The following NRG3 variants were observed in gnomAD, a reference collection of about 807,000 sequenced individuals.
NRG3 encodes the protein neuregulin 3.
Under a neutral mutation model 66.9 loss-of-function variants are expected in NRG3, and 31 were observed. That is an observed-to-expected ratio of 0.46 (90% CI 0.35 to 0.63). The LOEUF is 0.63. Among genes scored for constraint, NRG3 ranks in the 20% least tolerant of loss-of-function variants. The pLI is 0.00. For missense variants in NRG3, 910 were observed against 878.9 expected, an observed-to-expected ratio of 1.04 and a Z score of -0.45; for synonymous variants, 393 against 359.4, an observed-to-expected ratio of 1.09 and a Z score of -1.06.
intron 4 of NRG3, among the ~76,000 whole-genome samples, chr10:82,936,630 A>G (rs1848094863): frequency 1.3e-5 from 2 of 152,208 alleles, no homozygotes; most frequent in African/African-American, 4.8e-5. Context: ...CAAAAATGAT[A>G]ACCATGTGAG....
At chr10:82,941,839 G>A (rs1224526068) in intron 4 of NRG3, among the ~76,000 whole-genome samples, 1 of 152,152 alleles carries the variant, frequency 6.6e-6, no homozygotes, top group South Asian at 2.1e-4. Context: ...GGATAGAAAG[G>A]AGCCTCTGAG....
intron 2 of NRG3, among the ~76,000 whole-genome samples, chr10:82,505,411 G>A (rs1229756377): frequency 6.6e-6 from 1 of 152,230 alleles, no homozygotes; most frequent in Non-Finnish European, 1.5e-5. Context: ...AAGTATTTCA[G>A]TGTTTTAACA....
chr10:82,421,858 GA>G (rs1360049325), intron 2 of NRG3, among the ~76,000 whole-genome samples: 1 of 151,782 alleles, frequency 6.6e-6, no homozygotes, highest in South Asian at 2.1e-4. Context: ...AAACTTTCTA[GA>G]AAAAAACCAT....
chr10:82,589,536 GA>G, intron 2 of NRG3, among the ~76,000 whole-genome samples: 1 of 152,196 alleles, frequency 6.6e-6, no homozygotes, highest in Non-Finnish European at 1.5e-5. Flanking sequence ...AACTGGTAAT[GA>G]GGGGCAATTC....
intron 2 of NRG3, among the ~76,000 whole-genome samples, chr10:82,552,624 A>C (rs2044388537): frequency 1.3e-5 from 2 of 152,180 alleles, no homozygotes; most frequent in Admixed American, 6.5e-5. Flanking sequence ...GCTAGATGAG[A>C]TAAAACTGCA....
Position 82,985,366 on chromosome 10 carries a change from G to A in NRG3, c.1852G>A (p.Asp618Asn), listed in dbSNP as rs765593797. Residue 618 changes from aspartate to asparagine, a missense_variant, in exon 9 of 9, where the codon GAT becomes AAT. Asp to Asn is a conservative substitution (Grantham distance 23, BLOSUM62 1). Transcript: ENST00000372141. Reference sequence around the variant, plus strand: ...TGTCAATGTGAGTATTCCAGTCAGCGATTGTCTTATAGCAGAACAACAAGA... The same window carrying A: ...TGTCAATGTGAGTATTCCAGTCAGCAATTGTCTTATAGCAGAACAACAAGA... ...DVVNVSIPVS[D>N]CLIAEQQEVK... 1.3e-5 allele frequency: 21 copies of A among 1,614,116 alleles called. No homozygotes were observed. The East Asian group carries it at 2.0e-4, about 15-fold the overall frequency.
intron 1 of NRG3, among the ~76,000 whole-genome samples, chr10:81,949,649 G>T (rs538988109): frequency 6.6e-6 from 1 of 152,156 alleles, no homozygotes; most frequent in African/African-American, 2.4e-5. Context: ...ATTTAGGGAA[G>T]GGGCAATATG....
intron 1 of NRG3, among the ~76,000 whole-genome samples, chr10:81,962,694 G>C (rs939969337): frequency 6.6e-6 from 1 of 152,196 alleles, no homozygotes; most frequent in South Asian, 2.1e-4. Flanking sequence ...GGCTAGCGGA[G>C]TAGTCTCTGA....
intron 1 of NRG3, among the ~76,000 whole-genome samples, chr10:81,892,776 C>A (rs1462659842): frequency 6.6e-6 from 1 of 151,860 alleles, no homozygotes; most frequent in East Asian, 1.9e-4. Flanking sequence ...TGACTGTAGT[C>A]AAAAATAAGT....
chr10:81,964,795 A>G (rs1056511030), intron 1 of NRG3, among the ~76,000 whole-genome samples: 3 of 152,096 alleles, frequency 2.0e-5, no homozygotes, highest in Non-Finnish European at 4.4e-5. Context: ...AAACAGATAT[A>G]TCCAGTTGTT....
At chr10:82,895,320 C>T (rs1175077708) in intron 4 of NRG3, among the ~76,000 whole-genome samples, 1 of 152,096 alleles carries the variant, frequency 6.6e-6, no homozygotes, top group Non-Finnish European at 1.5e-5. Flanking sequence ...ATCCAATACA[C>T]CTTTGTCAAA....
At chr10:81,971,357 C>T (rs983110016) in intron 1 of NRG3, among the ~76,000 whole-genome samples, 3 of 151,914 alleles carry the variant, frequency 2.0e-5, no homozygotes, top group East Asian at 1.9e-4. Context: ...AAGGTGAGGA[C>T]GAATTTCTAA....
chr10:82,630,355 CTT>C (rs5786556), intron 2 of NRG3, among the ~76,000 whole-genome samples: 23,041 of 133,660 alleles, frequency 0.17, 2,062 homozygotes, highest in Middle Eastern at 0.3. Context: ...ATATGGTTTT[CTT>C]TTTTTTTTTT....
intron 3 of NRG3, among the ~76,000 whole-genome samples, chr10:82,779,462 C>G (rs901776081): frequency 1.3e-5 from 2 of 152,060 alleles, no homozygotes; most frequent in African/African-American, 4.8e-5. Context: ...TTGCTCTGAC[C>G]AAAATATAGT....
chr10:82,772,704 C>CTTTTTTTTTTT (rs745609399), intron 3 of NRG3, among the ~76,000 whole-genome samples: 1 of 111,730 alleles, frequency 9.0e-6, no homozygotes, highest in Non-Finnish European at 1.8e-5. Context: ...GCTTCCATAT[C>CTTTTTTTTTTT]TTTTTTTTTT....
At chr10:82,526,544 C>T (rs183110466) in intron 2 of NRG3, among the ~76,000 whole-genome samples, 63 of 151,694 alleles carry the variant, frequency 4.2e-4, no homozygotes, top group Middle Eastern at 3.5e-3. Context: ...AATGAAAATA[C>T]GTACAAATAG....
chr10:82,012,053 C>T (rs1397090028), intron 1 of NRG3, among the ~76,000 whole-genome samples: 1 of 152,216 alleles, frequency 6.6e-6, no homozygotes, highest in Non-Finnish European at 1.5e-5. Flanking sequence ...CCACACTGCC[C>T]TAGCAGAGGT....
rs1845610880 is a variant in NRG3 at position 81,915,500 on chromosome 10, T to TTTTTTTTTTG, written c.823+39346_823+39347insGTTTTTTTTT. Among the ~76,000 whole-genome samples, 5 of 151,112 alleles carry TTTTTTTTTTG rather than the reference T, an allele frequency of 3.3e-5. No individual in the cohort carries two copies. In the South Asian group the frequency reaches 1.0e-3, roughly 32 times the overall value. ...AAGTCAGCTCACACTTCTTTAGTTT[T>TTTTTTTTTTG]TTTTTTTTTTGCCAAAACACAAGGC... On this transcript the variant is annotated intron_variant, in intron 1 of 8. Transcript: ENST00000372141.
At chr10:82,345,977 G>A (rs535885994) in intron 1 of NRG3, among the ~76,000 whole-genome samples, 14 of 152,212 alleles carry the variant, frequency 9.2e-5, no homozygotes, top group South Asian at 8.3e-4. Flanking sequence ...GAGACAATGC[G>A]GTTTTCTAGA....
Sources: gnomAD v4.1 joint callset for allele counts (sites outside exome capture counted in the v4.1 genomes callset) on GRCh38, gnomAD v4.1.1 for gene constraint, MANE v1.5 for transcripts, NCBI Gene and HGNC (gene_info 2026-07-23, HGNC 2026-07-21) for gene names.